Variants in ABCC4 observed in about 807,000 individuals in gnomAD.
ABCC4 encodes the protein ATP binding cassette subfamily C member 4 (PEL blood group).
In ABCC4, 102 loss-of-function variants were observed where a neutral mutation model predicts 168.5. The ratio of observed to expected loss-of-function variants is 0.61; its 90% confidence interval spans 0.52 to 0.71. ABCC4 has a LOEUF of 0.71. Among genes scored for constraint, ABCC4 ranks in the 30% least tolerant of loss-of-function variants. The pLI, the probability that ABCC4 is intolerant of heterozygous loss-of-function variation, is 0.00. For missense variants in ABCC4, 1,402 were observed against 1,605.8 expected (o/e 0.87, Z 2.17); for synonymous variants, 617 against 590.7 (o/e 1.04, Z -0.65).
chr13:95,177,943 C>T (rs1224813940), intron 12 of ABCC4, 54 bp downstream of exon 12: 1 of 1,578,000 alleles, frequency 6.3e-7, no homozygotes, highest in Non-Finnish European at 8.7e-7. Flanking sequence ...GTGCTCACCA[C>T]CACTGGAAGG....
intron 25 of ABCC4, among the ~76,000 whole-genome samples, chr13:95,065,982 C>T (rs1434853117): frequency 6.6e-6 from 1 of 152,214 alleles, no homozygotes; most frequent in Admixed American, 6.5e-5. Context: ...CTGCCTGGCA[C>T]TCCACACTGG....
chr13:95,068,453 C>T (rs977377420), intron 25 of ABCC4, among the ~76,000 whole-genome samples: 4 of 152,202 alleles, frequency 2.6e-5, no homozygotes, highest in African/African-American at 7.2e-5. Context: ...GGTGAAACCC[C>T]GGATCCACTA....
chr13:95,066,956 G>A (rs1056457610), intron 25 of ABCC4, among the ~76,000 whole-genome samples: 1 of 152,214 alleles, frequency 6.6e-6, no homozygotes, highest in Admixed American at 6.5e-5. Context: ...TGACTACTGT[G>A]AGCCAAGACA....
intron 8 of ABCC4, 107 bp downstream of exon 8, chr13:95,206,425 T>G: frequency 9.6e-6 from 14 of 1,457,158 alleles, no homozygotes; most frequent in Non-Finnish European, 1.2e-5. Flanking sequence ...GTTTTGGTTA[T>G]GAGAGAGTTA....
chr13:95,113,072 A>G (rs892845844), intron 20 of ABCC4, among the ~76,000 whole-genome samples: 4 of 152,204 alleles, frequency 2.6e-5, no homozygotes, highest in African/African-American at 9.7e-5. Context: ...TACTATCCAC[A>G]CAGATAACAT....
At chr13:95,069,065 T>C (rs2033640782) in intron 25 of ABCC4, among the ~76,000 whole-genome samples, 1 of 152,262 alleles carries the variant, frequency 6.6e-6, no homozygotes, top group South Asian at 2.1e-4. Context: ...GCTGTATATT[T>C]ATTTTTCATG....
At chr13:95,273,825 T>TG (rs2040904541) in intron 1 of ABCC4, among the ~76,000 whole-genome samples, 2 of 150,366 alleles carry the variant, frequency 1.3e-5, no homozygotes, top group Admixed American at 6.6e-5. Flanking sequence ...TGTTTTTTTT[T>TG]TTTTTTTTTT....
intron 29 of ABCC4, 58 bp from the exon 30 acceptor site, chr13:95,034,797 A>G (rs1320264767): frequency 1.2e-6 from 2 of 1,608,842 alleles, no homozygotes; most frequent in African/African-American, 1.4e-5. Context: ...AACATATTAT[A>G]ACAGAGACAA....
At chr13:95,075,640 A>C (rs2033874038) in intron 21 of ABCC4, 89 bp from the exon 22 acceptor site, 1 of 1,559,272 alleles carries the variant, frequency 6.4e-7, no homozygotes, top group Non-Finnish European at 8.7e-7. Flanking sequence ...GTATCCACCA[A>C]ACAGCACACG....
chr13:95,279,779 G>A (rs1177367907), intron 1 of ABCC4, among the ~76,000 whole-genome samples: 2 of 143,138 alleles, frequency 1.4e-5, no homozygotes, highest in East Asian at 3.9e-4. Flanking sequence ...GAGAACAGAA[G>A]AGAAGGCAGA....
intron 19 of ABCC4, among the ~76,000 whole-genome samples, chr13:95,150,114 T>C (rs527463438): frequency 5.9e-5 from 9 of 152,254 alleles, no homozygotes; most frequent in African/African-American, 9.6e-5. Flanking sequence ...GCCGGTACTA[T>C]AGGCACACAC....
chr13:95,153,736 A>C (rs1332963050), intron 19 of ABCC4, among the ~76,000 whole-genome samples: 1 of 152,216 alleles, frequency 6.6e-6, no homozygotes, highest in Non-Finnish European at 1.5e-5. Context: ...GAATCAGAAC[A>C]TTCTAGTAGA....
intron 1 of ABCC4, among the ~76,000 whole-genome samples, chr13:95,294,628 T>A (rs575408599): frequency 6.6e-6 from 1 of 152,292 alleles, no homozygotes; most frequent in African/African-American, 2.4e-5. Context: ...CTCAGTTTCA[T>A]GGTCACCTCT....
chr13:95,082,591 T>C (rs542087679), intron 21 of ABCC4, among the ~76,000 whole-genome samples: 3 of 152,326 alleles, frequency 2.0e-5, no homozygotes, highest in African/African-American at 7.2e-5. Context: ...GCTTATCTTT[T>C]CAAAACGTTT....
intron 30 of ABCC4, among the ~76,000 whole-genome samples, chr13:95,025,269 A>AC (rs2031409915): frequency 6.0e-5 from 1 of 16,688 alleles, no homozygotes; most frequent in African/African-American, 3.4e-4. Flanking sequence ...ACACCCCCAC[A>AC]CCCCCACACA....
At chr13:95,134,490 G>GTAGGCAGA (rs2036076567) in intron 19 of ABCC4, among the ~76,000 whole-genome samples, 1 of 152,146 alleles carries the variant, frequency 6.6e-6, no homozygotes, top group African/African-American at 2.4e-5. Flanking sequence ...AGAGGCCGAG[G>GTAGGCAGA]TAGGCAGATC....
At chr13:95,223,779 T>G (rs4371040) in intron 4 of ABCC4, among the ~76,000 whole-genome samples, 116,372 of 152,080 alleles carry the variant, frequency 0.77, 44,999 homozygotes, top group Non-Finnish European at 0.84. Context: ...TGGGATTACA[T>G]GCCACCGTGC....
At chr13:95,171,626 A>G (rs532726468) in intron 13 of ABCC4, among the ~76,000 whole-genome samples, 2 of 152,264 alleles carry the variant, frequency 1.3e-5, no homozygotes, top group South Asian at 4.1e-4. Context: ...AAGGGCCAAG[A>G]ACATAACTCA....
intron 26 of ABCC4, among the ~76,000 whole-genome samples, chr13:95,053,478 G>A (rs2032925111): frequency 6.6e-6 from 1 of 152,068 alleles, no homozygotes; most frequent in South Asian, 2.1e-4. Context: ...CATATTATTA[G>A]CTTAACATGA....
Sources: gnomAD v4.1 joint callset for allele counts (sites outside exome capture counted in the v4.1 genomes callset) on GRCh38, gnomAD v4.1.1 for gene constraint, MANE v1.5 for transcripts, NCBI Gene and HGNC (gene_info 2026-07-23, HGNC 2026-07-21) for gene names.